Variants in TSPAN14 observed in about 807,000 individuals in gnomAD.
TSPAN14 encodes tetraspanin 14.
TSPAN14 carries 16 observed loss-of-function variants against 36.6 expected under a neutral mutation model. The ratio of observed to expected loss-of-function variants is 0.44; its 90% CI spans 0.30 to 0.66. The LOEUF (loss-of-function observed/expected upper bound fraction) is 0.66, where lower values mean the gene tolerates loss of function less well. Among genes scored for constraint, TSPAN14 ranks in the 30% least tolerant of loss-of-function variants. The pLI is 0.12. For synonymous variants in TSPAN14, 139 were observed against 143.8 expected (o/e 0.97, Z 0.24); for missense variants, 231 against 355.1 (o/e 0.65, Z 2.81).
chr10:80,520,357 A>G, exon 9 of TSPAN14: 1 of 370,578 alleles, frequency 2.7e-6, no homozygotes, highest in Non-Finnish European at 5.3e-6. Context: ...TGAGGAATGG[A>G]AAGAAAGCAA....
intron 1 of TSPAN14, among the ~76,000 whole-genome samples, chr10:80,462,338 G>C (rs1391214937): frequency 6.7e-6 from 1 of 149,896 alleles, no homozygotes; most frequent in Non-Finnish European, 1.5e-5. Context: ...TGGTGGCCTA[G>C]GGCGTAGGAA....
intron 6 of TSPAN14, 121 bp from the exon 7 acceptor site, chr10:80,513,898 C>A: frequency 1.2e-6 from 1 of 809,768 alleles, no homozygotes; most frequent in Non-Finnish European, 2.1e-6. Flanking sequence ...GATTGAAGGA[C>A]ATGAGCTGTA....
chr10:80,512,127 G>A lies in TSPAN14; in HGVS notation c.451-17G>A. The A allele has an allele frequency of 6.2e-7, 1 of 1,614,072 alleles. No individual in the cohort carries two copies. The highest frequency in any genetic ancestry group is 2.2e-5 in the East Asian group (1 of 44,890). On this transcript the variant is annotated splice_polypyrimidine_tract_variant and intron_variant, in intron 5 of 8. Coordinates refer to ENST00000429989, the Ensembl canonical transcript of TSPAN14. Reference sequence around the variant, plus strand: ...CTGTCTTGGAGCCCCTAACAGTTCTGGCTTTTGTGGTTGCAGAACCAGTGC... The same window carrying A: ...CTGTCTTGGAGCCCCTAACAGTTCTAGCTTTTGTGGTTGCAGAACCAGTGC...
At position 80,490,018 on chromosome 10, in the gene TSPAN14, G is replaced by A. The variant is rs180875024; in HGVS notation, c.81+704G>A. ...TGAGTAAGTGGGAGAAGGGACACAG[G>A]TGGGGACAGAGGCATGCAGGATTCA... On this transcript the variant is annotated intron_variant, in intron 2 of 8. Transcript: ENST00000429989. Among the ~76,000 whole-genome samples, 329 of 152,344 alleles carry A rather than the reference G, an allele frequency of 2.2e-3. 3 individuals are homozygous for A. The highest frequency in any genetic ancestry group is 0.015 in the Admixed American group (227 of 15,306).
intron 1 of TSPAN14, among the ~76,000 whole-genome samples, chr10:80,486,271 T>G (rs1847591481): frequency 6.6e-6 from 1 of 152,282 alleles, no homozygotes. Flanking sequence ...TCCTGCCAAC[T>G]GCATCCCCAT....
intron 1 of TSPAN14, among the ~76,000 whole-genome samples, chr10:80,485,462 C>T (rs1162808084): frequency 4.6e-5 from 7 of 152,138 alleles, no homozygotes; most frequent in African/African-American, 1.4e-4. Context: ...CTTTTTTCCT[C>T]CCTTGGGGTT....
chr10:80,472,512 T>G (rs1432933072), intron 1 of TSPAN14, among the ~76,000 whole-genome samples: 2 of 152,228 alleles, frequency 1.3e-5, no homozygotes, highest in African/African-American at 2.4e-5. Context: ...ACTTTGAGAT[T>G]ATGCAAATAC....
At chr10:80,519,939 G>A (rs1010539197) in exon 9 of TSPAN14, 1 of 151,894 alleles carries the variant, frequency 6.6e-6, no homozygotes, top group Non-Finnish European at 1.5e-5. Flanking sequence ...TAGGTCTAGA[G>A]GAAACATTGT....
chr10:80,488,842 T>A (rs961159490), intron 1 of TSPAN14, among the ~76,000 whole-genome samples: 1 of 152,174 alleles, frequency 6.6e-6, no homozygotes, highest in African/African-American at 2.4e-5. Flanking sequence ...TCTCTTGTCC[T>A]TGGGCAAGTC....
intron 7 of TSPAN14, among the ~76,000 whole-genome samples, chr10:80,514,681 G>A (rs1224124724): frequency 2.0e-5 from 3 of 152,204 alleles, no homozygotes; most frequent in African/African-American, 7.2e-5. Context: ...TATGAGGGAT[G>A]TGTCCCTACA....
intron 2 of TSPAN14, among the ~76,000 whole-genome samples, chr10:80,501,252 A>AT (rs992438928): frequency 1.1e-3 from 143 of 124,502 alleles, no homozygotes; most frequent in African/African-American, 1.8e-3. Context: ...GAATACAGGC[A>AT]TTTTTTTTTT....
Position 80,475,323 on chromosome 10 carries a change from T to C in TSPAN14, c.-17-13894T>C, listed in dbSNP as rs1846796667. On this transcript the variant is annotated intron_variant, in intron 1 of 8. Coordinates refer to ENST00000429989, the Ensembl canonical transcript of TSPAN14. ...GGCTTATGCCTATAATCCCAGCACT[T>C]TGGGAGACTGCAGAGGGAGGATCTC... Among the ~76,000 whole-genome samples the C allele has an allele frequency of 2.6e-5, 4 of 152,188 alleles. No homozygotes were observed. In the South Asian group the frequency reaches 8.3e-4, roughly 32 times the overall value.
chr10:80,508,465 T>C (rs1179370406), intron 4 of TSPAN14, among the ~76,000 whole-genome samples: 2 of 152,168 alleles, frequency 1.3e-5, no homozygotes, highest in African/African-American at 2.4e-5. Flanking sequence ...AATTGGCCGG[T>C]TGTGGCAAGC....
intron 6 of TSPAN14, among the ~76,000 whole-genome samples, 153 bp downstream of exon 6, chr10:80,512,422 C>T (rs923192187): frequency 1.3e-5 from 2 of 152,210 alleles, no homozygotes; most frequent in African/African-American, 4.8e-5. Flanking sequence ...TGCCTCAGCT[C>T]TGAAATCCGA....
chr10:80,467,785 T>G (rs1461679799), intron 1 of TSPAN14, among the ~76,000 whole-genome samples: 1 of 152,192 alleles, frequency 6.6e-6, no homozygotes, highest in Non-Finnish European at 1.5e-5. Flanking sequence ...ACTCCCAGTG[T>G]TCAGGCGCTG....
At chr10:80,480,697 G>A (rs189892565) in intron 1 of TSPAN14, among the ~76,000 whole-genome samples, 194 of 151,390 alleles carry the variant, frequency 1.3e-3, no homozygotes, top group African/African-American at 4.4e-3. Flanking sequence ...ACCAAACACC[G>A]TATATTCTCA....
At chr10:80,473,196 C>CAGA (rs1846653911) in intron 1 of TSPAN14, among the ~76,000 whole-genome samples, 1 of 152,166 alleles carries the variant, frequency 6.6e-6, no homozygotes. Context: ...AGTGCTTCTC[C>CAGA]CACTGAGGAC....
At chr10:80,471,796 A>G (rs1846567097) in intron 1 of TSPAN14, among the ~76,000 whole-genome samples, 1 of 152,086 alleles carries the variant, frequency 6.6e-6, no homozygotes, top group Non-Finnish European at 1.5e-5. Flanking sequence ...GGTGTGGGTG[A>G]CCAGGCCCTG....
intron 4 of TSPAN14, 91 bp downstream of exon 4, chr10:80,507,465 G>T: frequency 6.4e-7 from 1 of 1,559,700 alleles, no homozygotes. Flanking sequence ...CAGAGCAGGT[G>T]GCAGCTCTTA....
Sources: allele counts gnomAD v4.1 joint callset (sites outside exome capture counted in the v4.1 genomes callset), GRCh38; gene constraint gnomAD v4.1.1; transcripts MANE v1.5; gene names NCBI Gene and HGNC (gene_info 2026-07-23, HGNC 2026-07-21).